Variants in COL26A1 observed in about 807,000 individuals in gnomAD.
COL26A1 encodes the protein collagen type XXVI alpha 1 chain.
A neutral mutation model predicts 59.3 loss-of-function variants in COL26A1; 41 were observed. The observed-to-expected ratio is 0.69, with a 90% CI of 0.54 to 0.90. The LOEUF (loss-of-function observed/expected upper bound fraction) is 0.90. Ranked by LOEUF, COL26A1 falls within the 40% of genes least tolerant of loss-of-function variation. The pLI, the probability that COL26A1 is intolerant of heterozygous loss-of-function variation, is 0.00. For missense variants in COL26A1, 612 were observed against 602.3 expected, an observed-to-expected ratio of 1.02 and a Z score of -0.17; for synonymous variants, 266 against 256.0, an observed-to-expected ratio of 1.04 and a Z score of -0.37.
In COL26A1 at chr7:101,421,446, G is replaced by C. The variant is rs1050016730; in HGVS notation, c.281+1347G>C. ...TCCCAGCACTTTGGGAGGATGAGGC[G>C]GGTGGATCACTTGAGGTCAGGACTT... On this transcript the variant is annotated intron_variant, in intron 2 of 12. Transcript: ENST00000313669. Among the ~76,000 whole-genome samples, 7 of 152,088 alleles carry C rather than the reference G, an allele frequency of 4.6e-5. No individual in the cohort carries two copies. The East Asian group carries it at 9.7e-4, about 21-fold the overall frequency.
At chr7:101,380,084 C>T (rs1002936903) in intron 1 of COL26A1, among the ~76,000 whole-genome samples, 7 of 151,948 alleles carry the variant, frequency 4.6e-5, no homozygotes, top group South Asian at 4.2e-4. Context: ...CTCTGCCTCC[C>T]GGGTTTAAGT....
intron 3 of COL26A1, among the ~76,000 whole-genome samples, chr7:101,473,953 T>G (rs1185580503): frequency 6.6e-6 from 1 of 151,914 alleles, no homozygotes; most frequent in African/African-American, 2.4e-5. Context: ...TCCTCCAGAG[T>G]GTTGGAAATA....
chr7:101,390,932 C>G (rs1348768217), intron 1 of COL26A1, among the ~76,000 whole-genome samples: 1 of 152,206 alleles, frequency 6.6e-6, no homozygotes, highest in African/African-American at 2.4e-5. Context: ...CTTTGCTCCT[C>G]TCTCCTCCCA....
chr7:101,427,382 C>T (rs561677665), intron 2 of COL26A1, among the ~76,000 whole-genome samples: 68 of 151,296 alleles, frequency 4.5e-4, no homozygotes, highest in Non-Finnish European at 8.5e-4. Flanking sequence ...TTTTTTTTGG[C>T]GGGGCATGGT....
chr7:101,402,305 C>CG (rs1194061745), intron 1 of COL26A1, among the ~76,000 whole-genome samples: 2 of 152,244 alleles, frequency 1.3e-5, no homozygotes, highest in Admixed American at 1.3e-4. Flanking sequence ...TTTTCCCCCC[C>CG]AAGTGAACAC....
At chr7:101,498,910 G>A (rs771508800) in intron 3 of COL26A1, among the ~76,000 whole-genome samples, 1 of 152,148 alleles carries the variant, frequency 6.6e-6, no homozygotes. Flanking sequence ...TTCATCGAGC[G>A]CTCTCAGGCA....
intron 1 of COL26A1, among the ~76,000 whole-genome samples, chr7:101,363,418 GGATGCCA>G: frequency 6.9e-6 from 1 of 145,894 alleles, no homozygotes; most frequent in African/African-American, 2.5e-5. Flanking sequence ...GCGGGGTGGC[GGATGCCA>G]GGGGCAGGGG....
At chr7:101,520,290 G>A (rs1408513333) in intron 3 of COL26A1, among the ~76,000 whole-genome samples, 3 of 152,152 alleles carry the variant, frequency 2.0e-5, no homozygotes, top group Non-Finnish European at 2.9e-5. Context: ...GGCAGGCAGG[G>A]CAGCTCAGCT....
intron 2 of COL26A1, among the ~76,000 whole-genome samples, chr7:101,440,147 C>T (rs1216556979): frequency 6.6e-6 from 1 of 152,042 alleles, no homozygotes; most frequent in Non-Finnish European, 1.5e-5. Flanking sequence ...GGGCAGATCA[C>T]CTGAGGTCAG....
At chr7:101,482,368 A>C (rs1794174975) in intron 3 of COL26A1, among the ~76,000 whole-genome samples, 1 of 152,236 alleles carries the variant, frequency 6.6e-6, no homozygotes, top group Admixed American at 6.5e-5. Context: ...TTTGAAAATA[A>C]AATAGCCCAT....
chr7:101,553,213 G>C, intron 10 of COL26A1, 113 bp from the exon 11 acceptor site: 2 of 937,504 alleles, frequency 2.1e-6, no homozygotes, highest in Non-Finnish European at 3.4e-6. Flanking sequence ...CGTTTCCCAG[G>C]CCCTGCCTGC....
chr7:101,520,692 G>A (rs1347866036), intron 3 of COL26A1, among the ~76,000 whole-genome samples: 1 of 147,938 alleles, frequency 6.8e-6, no homozygotes, highest in South Asian at 2.1e-4. Flanking sequence ...TTTTGCTCCA[G>A]CAGGGGGACA....
At chr7:101,370,433 C>T (rs1157362966) in intron 1 of COL26A1, among the ~76,000 whole-genome samples, 1 of 151,760 alleles carries the variant, frequency 6.6e-6, no homozygotes, top group African/African-American at 2.4e-5. Context: ...TGCAGTGGCA[C>T]GATCTTAGCT....
chr7:101,487,753 C>T (rs537803067), intron 3 of COL26A1, among the ~76,000 whole-genome samples: 8 of 152,234 alleles, frequency 5.3e-5, no homozygotes, highest in African/African-American at 1.7e-4. Flanking sequence ...GATAAGCCCA[C>T]GCCCTGTCAC....
chr7:101,472,745 G>A (rs1248597473), intron 3 of COL26A1, among the ~76,000 whole-genome samples: 1 of 152,132 alleles, frequency 6.6e-6, no homozygotes, highest in East Asian at 1.9e-4. Context: ...GCTCTTAGGA[G>A]CCCATAAACA....
chr7:101,489,645 CTTTCTTTCTTTCTTT>C (rs1563007199), intron 3 of COL26A1, among the ~76,000 whole-genome samples: 2 of 72,692 alleles, frequency 2.8e-5, no homozygotes, highest in South Asian at 4.4e-4. Flanking sequence ...TTCTTTCTTT[CTTTCTTTCTTTCTTT>C]CTTCCTTCCT....
chr7:101,504,920 G>A (rs1163595369), intron 3 of COL26A1, among the ~76,000 whole-genome samples: 2 of 152,180 alleles, frequency 1.3e-5, no homozygotes, highest in African/African-American at 4.8e-5. Flanking sequence ...TTGGGAGGCT[G>A]AGGCGGGCAG....
chr7:101,408,063 C>T (rs1438734681), intron 1 of COL26A1, among the ~76,000 whole-genome samples: 2 of 152,178 alleles, frequency 1.3e-5, no homozygotes, highest in East Asian at 1.9e-4. Flanking sequence ...TTGCTAATAC[C>T]ACTGGCTTGC....
At chr7:101,553,461 G>A (rs1443536047) in intron 11 of COL26A1, 85 bp downstream of exon 11, 9 of 1,403,864 alleles carry the variant, frequency 6.4e-6, no homozygotes, top group East Asian at 4.6e-5. Context: ...ACAGATCTGC[G>A]CTGACCGTCA....
Sources: allele counts gnomAD v4.1 joint callset (sites outside exome capture counted in the v4.1 genomes callset), GRCh38; gene constraint gnomAD v4.1.1; transcripts MANE v1.5; gene names NCBI Gene and HGNC (gene_info 2026-07-23, HGNC 2026-07-21).